Variants in SNAP91 observed in about 807,000 individuals in gnomAD.
The protein encoded by SNAP91 is clathrin coat assembly protein AP180.
In SNAP91, 27 loss-of-function variants were observed where a neutral mutation model predicts 100.3. The ratio of observed to expected loss-of-function variants is 0.27; its 90% CI spans 0.20 to 0.37. The LOEUF is 0.37. SNAP91 is among the 10% of genes least tolerant of loss of function. SNAP91 has a pLI of 1.00. For synonymous variants in SNAP91, 404 were observed against 398.6 expected, an observed-to-expected ratio of 1.01 and a Z score of -0.16; for missense variants, 986 against 1,123.7, an observed-to-expected ratio of 0.88 and a Z score of 1.75.
At position 83,553,029 on chromosome 6, in the gene SNAP91, A is replaced by G. The variant is rs536862132; in HGVS notation, c.*1267T>C. On this transcript the variant is annotated 3_prime_UTR_variant, in exon 30 of 30. Transcript: ENST00000369694. ...ACAGTGTATGTTATCCCCACAGTAA[A>G]TTCAGATACAACCACTTTTAAATGG... 13 of 152,700 alleles carry G rather than the reference A, an allele frequency of 8.5e-5. No homozygotes were observed. Among genetic ancestry groups the G allele is most frequent in the African/African-American group, 2.6e-4 (11 of 41,556 alleles). The allele number at this position is 152,700 out of a possible 1,614,324, so 9.5% of individuals were successfully genotyped here.
At chr6:83,695,425 C>T (rs2099192685) in intron 2 of SNAP91, among the ~76,000 whole-genome samples, 1 of 151,882 alleles carries the variant, frequency 6.6e-6, no homozygotes, top group Non-Finnish European at 1.5e-5. Context: ...TCAAGGTTGG[C>T]CAGTATCTTA....
chr6:83,615,666 T>C (rs1203183385), intron 10 of SNAP91, among the ~76,000 whole-genome samples: 1 of 152,172 alleles, frequency 6.6e-6, no homozygotes, highest in Non-Finnish European at 1.5e-5. Context: ...CAAATAGCTC[T>C]GCCATAATTG....
chr6:83,641,010 CT>C, intron 8 of SNAP91, 85 bp downstream of exon 8: 1 of 746,362 alleles, frequency 1.3e-6, no homozygotes, highest in Non-Finnish European at 2.1e-6. Context: ...TACTGTGACT[CT>C]CTTACACCTT....
At chr6:83,574,608 A>G (rs956608233) in intron 26 of SNAP91, among the ~76,000 whole-genome samples, 3 of 152,284 alleles carry the variant, frequency 2.0e-5, no homozygotes, top group Admixed American at 1.3e-4. Flanking sequence ...AGATAAAATG[A>G]TCAATGACAT....
chr6:83,670,692 G>A (rs2098769576), intron 2 of SNAP91, among the ~76,000 whole-genome samples: 1 of 151,488 alleles, frequency 6.6e-6, no homozygotes, highest in Non-Finnish European at 1.5e-5. Flanking sequence ...AATGGCATGA[G>A]GTATGGATGT....
chr6:83,611,730 T>C (rs1398476848), intron 11 of SNAP91, among the ~76,000 whole-genome samples: 1 of 151,664 alleles, frequency 6.6e-6, no homozygotes, highest in African/African-American at 2.4e-5. Flanking sequence ...GGAGTCTCAC[T>C]CTGTCACCCA....
chr6:83,614,551 G>A (rs1396302748), intron 11 of SNAP91, among the ~76,000 whole-genome samples: 1 of 152,042 alleles, frequency 6.6e-6, no homozygotes, highest in Non-Finnish European at 1.5e-5. Context: ...CCATGGGGAA[G>A]TCTTTTGTTT....
At chr6:83,588,988 C>T (rs908381229) in intron 22 of SNAP91, among the ~76,000 whole-genome samples, 2 of 152,168 alleles carry the variant, frequency 1.3e-5, no homozygotes, top group African/African-American at 2.4e-5. Context: ...AGAAAGAATT[C>T]ATAGGCTTCT....
intron 7 of SNAP91, among the ~76,000 whole-genome samples, chr6:83,642,454 G>A (rs111758185): frequency 1.5e-4 from 23 of 152,012 alleles, no homozygotes; most frequent in African/African-American, 4.6e-4. Flanking sequence ...GTTTTCTGTC[G>A]TTGCAATAGT....
chr6:83,661,614 T>C lies in SNAP91; in HGVS notation c.350-10A>G. On this transcript the variant is annotated splice_polypyrimidine_tract_variant and intron_variant, in intron 4 of 29. Coordinates refer to ENST00000369694, the MANE Select transcript of SNAP91 (RefSeq NM_001242792.2). The stretch of plus-strand genomic sequence containing the variant: ...GTAGACATATCATAACCTGGGAGAG[T>C]GGAAAGAAGAAATAAAACTAATTAA... The C allele has an allele frequency of 6.8e-7, 1 of 1,480,674 alleles. No homozygotes were observed. The highest frequency in any genetic ancestry group is 1.2e-5 in the South Asian group (1 of 82,408). The allele number at this position is 1,480,674 out of a possible 1,614,324, so 91.7% of individuals were successfully genotyped here.
chr6:83,612,721 C>A (rs1174054559), intron 11 of SNAP91, among the ~76,000 whole-genome samples: 1 of 151,254 alleles, frequency 6.6e-6, no homozygotes, highest in Non-Finnish European at 1.5e-5. Context: ...ACTAAAAATA[C>A]AAAAAAATAA....
intron 9 of SNAP91, among the ~76,000 whole-genome samples, chr6:83,619,327 A>C (rs186011169): frequency 6.6e-6 from 1 of 152,326 alleles, no homozygotes; most frequent in Non-Finnish European, 1.5e-5. Context: ...TTTGATAGTA[A>C]TATCCAGGCG....
chr6:83,639,873 T>C (rs1029940162), intron 8 of SNAP91, among the ~76,000 whole-genome samples: 1 of 152,092 alleles, frequency 6.6e-6, no homozygotes, highest in African/African-American at 2.4e-5. Flanking sequence ...TTAGGCAAAT[T>C]TTACTAGATT....
chr6:83,647,840 T>A (rs568543195), intron 7 of SNAP91, among the ~76,000 whole-genome samples: 1 of 152,262 alleles, frequency 6.6e-6, no homozygotes. Flanking sequence ...TAAAGAAAGA[T>A]GTATTTGGCT....
At chr6:83,575,941 TC>T in intron 25 of SNAP91, 81 bp downstream of exon 25, 2 of 717,548 alleles carry the variant, frequency 2.8e-6, no homozygotes, top group Non-Finnish European at 4.6e-6. Context: ...GAATAATTAC[TC>T]CAATGAGTAA....
intron 2 of SNAP91, among the ~76,000 whole-genome samples, chr6:83,675,508 T>C (rs2098849634): frequency 6.6e-6 from 1 of 152,200 alleles, no homozygotes. Context: ...ACTTTGTAAT[T>C]TTTTGTAGTC....
At chr6:83,645,673 C>T (rs1049538948) in intron 7 of SNAP91, among the ~76,000 whole-genome samples, 3 of 151,940 alleles carry the variant, frequency 2.0e-5, no homozygotes, top group Non-Finnish European at 4.4e-5. Flanking sequence ...ATAGCAAGCC[C>T]CTATGTCTAC....
At chr6:83,605,547 G>T in intron 14 of SNAP91, 138 bp downstream of exon 14, 2 of 1,114,256 alleles carry the variant, frequency 1.8e-6, no homozygotes, top group Non-Finnish European at 2.6e-6. Context: ...ATCAATAAAT[G>T]CCATTCTTAA....
chr6:83,688,260 G>A (rs1442478310), intron 2 of SNAP91, among the ~76,000 whole-genome samples: 1 of 151,970 alleles, frequency 6.6e-6, no homozygotes, highest in Admixed American at 6.6e-5. Context: ...CTCTAATGAA[G>A]CCATCTTCTA....
Sources: gnomAD v4.1 joint callset for allele counts (sites outside exome capture counted in the v4.1 genomes callset) on GRCh38, gnomAD v4.1.1 for gene constraint, MANE v1.5 for transcripts, NCBI Gene and HGNC (gene_info 2026-07-23, HGNC 2026-07-21) for gene names.